The following FRAS1 variants were observed in gnomAD, a reference collection of about 807,000 sequenced individuals.
The protein encoded by FRAS1 is Fraser extracellular matrix complex subunit 1, also known as extracellular matrix organizing protein FRAS1.
A neutral mutation model predicts 435.2 loss-of-function variants in FRAS1; 290 were observed. The observed-to-expected ratio is 0.67, with a 90% confidence interval of 0.61 to 0.73. FRAS1 has a LOEUF of 0.73. Ranked by LOEUF, FRAS1 falls within the 30% of genes least tolerant of loss-of-function variation. FRAS1 has a pLI of 0.00. For synonymous variants in FRAS1, 1,800 were observed against 1,851.0 expected (o/e 0.97, Z 0.71); for missense variants, 4,860 against 5,001.5 (o/e 0.97, Z 0.85).
intron 30 of FRAS1, among the ~76,000 whole-genome samples, chr4:78,404,281 A>G (rs1560708140): frequency 6.6e-6 from 1 of 152,194 alleles, no homozygotes. Context: ...ATAGGTTAAA[A>G]TATAGACTTC....
intron 64 of FRAS1, among the ~76,000 whole-genome samples, chr4:78,512,805 C>T (rs1193809031): frequency 1.3e-5 from 2 of 152,152 alleles, no homozygotes; most frequent in African/African-American, 2.4e-5. Flanking sequence ...GGGCTGGACA[C>T]GTAGTGCTGA....
intron 2 of FRAS1, among the ~76,000 whole-genome samples, chr4:78,173,400 TGC>T (rs951539126): frequency 3.3e-5 from 5 of 152,168 alleles, no homozygotes; most frequent in African/African-American, 1.2e-4. Flanking sequence ...CTCCCTAGGG[TGC>T]TATGGACATG....
At chr4:78,242,575 A>G (rs1323979544) in intron 3 of FRAS1, among the ~76,000 whole-genome samples, 1 of 152,170 alleles carries the variant, frequency 6.6e-6, no homozygotes, top group Non-Finnish European at 1.5e-5. Context: ...AGCTGGGATT[A>G]CAGGCATGTG....
chr4:78,075,201 T>C (rs2109865948), intron 2 of FRAS1, among the ~76,000 whole-genome samples: 1 of 152,324 alleles, frequency 6.6e-6, no homozygotes, highest in East Asian at 1.9e-4. Flanking sequence ...TCTCCATTAA[T>C]AGAAGATTTT....
chr4:78,466,439 A>C lies in FRAS1; in HGVS notation c.7257+4A>C. 1 of 1,607,106 alleles carries C rather than the reference A, an allele frequency of 6.2e-7. No homozygotes were observed. Among genetic ancestry groups the C allele is most frequent in the Non-Finnish European group, 8.5e-7 (1 of 1,175,000 alleles). ...CATTGAGGAAGGGGGAAAAGAGGTG[A>C]GGGGTGAGGACACTGGAGGAGGTAG... is the stretch of plus-strand genomic sequence containing the variant. On this transcript the variant is annotated splice_donor_region_variant and intron_variant, in intron 50 of 73. Coordinates refer to ENST00000512123, the MANE Select transcript of FRAS1 (RefSeq NM_025074.7).
chr4:78,210,437 G>A (rs573887182), intron 2 of FRAS1, among the ~76,000 whole-genome samples: 16 of 152,340 alleles, frequency 1.1e-4, no homozygotes, highest in Admixed American at 2.6e-4. Flanking sequence ...ATCACTTGGA[G>A]TCTCAGCACC....
At chr4:78,275,860 C>T (rs1443183021) in intron 9 of FRAS1, among the ~76,000 whole-genome samples, 1 of 152,110 alleles carries the variant, frequency 6.6e-6, no homozygotes, top group Non-Finnish European at 1.5e-5. Context: ...GAATGTTGGC[C>T]TGCTTTGCTA....
At chr4:78,105,772 G>A (rs575514456) in intron 2 of FRAS1, among the ~76,000 whole-genome samples, 2 of 151,918 alleles carry the variant, frequency 1.3e-5, no homozygotes, top group South Asian at 2.1e-4. Context: ...GAACAGCTCC[G>A]GTCTACAGCT....
chr4:78,121,014 G>A (rs1369135235), intron 2 of FRAS1, among the ~76,000 whole-genome samples: 3 of 152,168 alleles, frequency 2.0e-5, no homozygotes, highest in Non-Finnish European at 4.4e-5. Context: ...GAGATCTTTA[G>A]GTAGAATGGT....
intron 2 of FRAS1, among the ~76,000 whole-genome samples, chr4:78,168,014 G>A (rs1488797726): frequency 6.6e-6 from 1 of 151,488 alleles, no homozygotes; most frequent in African/African-American, 2.4e-5. Flanking sequence ...ATTTTTGTGT[G>A]TCTCTATTTT....
chr4:78,308,024 T>C lies in FRAS1; in HGVS notation c.1535-42T>C, dbSNP rs370278436. ...TAAAAGAAAAATGATGACCAGTCCTTTCTGCCGTAGATTACTCACTGATTT... is the reference window on the plus strand; with the variant it reads ...TAAAAGAAAAATGATGACCAGTCCTCTCTGCCGTAGATTACTCACTGATTT... On this transcript the variant is annotated intron_variant, in intron 14 of 73. Transcript: ENST00000512123. The C allele has an allele frequency of 1.4e-4, 214 of 1,548,956 alleles. 1 individual carries two copies. In the African/African-American group the frequency reaches 2.4e-3, roughly 17 times the overall value.
At chr4:78,502,037 G>T (rs979614623) in intron 61 of FRAS1, among the ~76,000 whole-genome samples, 2 of 152,152 alleles carry the variant, frequency 1.3e-5, no homozygotes, top group Non-Finnish European at 2.9e-5. Flanking sequence ...TAAATGTGTG[G>T]TGTTATTTCT....
At position 78,379,926 on chromosome 4, in the gene FRAS1, G is replaced by A. The variant is rs767935057; in HGVS notation, c.3493G>A (p.Ala1165Thr). Residue 1165 changes from alanine to threonine, a missense_variant, in exon 27 of 74, where the codon GCT becomes ACT. Physicochemically the swap from Ala to Thr is moderately conservative, Grantham distance 58. Coordinates refer to ENST00000512123, the MANE Select transcript of FRAS1 (RefSeq NM_025074.7). Reference protein sequence around the residue: ...RNGKEVQLDKAGRFSWKDVNE... With the variant: ...RNGKEVQLDKTGRFSWKDVNE... ...TGGAAAAGAGGTTCAGCTGGACAAG[G>A]CTGGCCGTTTTAGCTGGAAAGATGT... 2 of 1,613,880 alleles carry A rather than the reference G, an allele frequency of 1.2e-6. No homozygotes were observed. The highest frequency in any genetic ancestry group is 1.7e-6 in the Non-Finnish European group (2 of 1,179,840).
chr4:78,103,769 C>T (rs560070101), intron 2 of FRAS1, among the ~76,000 whole-genome samples: 2 of 152,300 alleles, frequency 1.3e-5, no homozygotes, highest in East Asian at 1.9e-4. Context: ...GACACTGAAC[C>T]AGCTGGCACT....
chr4:78,329,055 G>C (rs1416687847), intron 18 of FRAS1, among the ~76,000 whole-genome samples: 1 of 152,138 alleles, frequency 6.6e-6, no homozygotes, highest in Non-Finnish European at 1.5e-5. Context: ...TATTCTGACT[G>C]TTGTTCCCAC....
Position 78,540,867 on chromosome 4 carries a change from A to G in FRAS1, c.11782A>G (p.Arg3928Gly). 6.2e-7 allele frequency: 1 copy of G among 1,614,010 alleles called. No homozygotes were observed. The highest frequency in any genetic ancestry group is 1.3e-5 in the African/African-American group (1 of 75,046). ...LVFLVACFIN[R>G]KCQKQRKKKP... is the part of the protein sequence containing the mutation. ...GTTTTTGGTGGCTTGTTTTATCAAC[A>G]GGAAATGCCAGAAACAGAGGAAGAA... The change falls in exon 74 of 74, where the codon AGG becomes GGG. Residue 3928 changes from arginine (R) to glycine (G), a missense_variant. Coordinates refer to ENST00000512123, the MANE Select transcript of FRAS1 (RefSeq NM_025074.7).
chr4:78,355,999 T>C (rs1281762885), intron 20 of FRAS1, among the ~76,000 whole-genome samples: 1 of 152,176 alleles, frequency 6.6e-6, no homozygotes. Flanking sequence ...TTGTAGAAAA[T>C]ATGCCCATAG....
At chr4:78,376,389 A>G (rs1731762289) in intron 26 of FRAS1, among the ~76,000 whole-genome samples, 4 of 152,308 alleles carry the variant, frequency 2.6e-5, no homozygotes, top group African/African-American at 9.6e-5. Context: ...TCGTAACACA[A>G]TAGTAAGTAT....
At chr4:78,208,454 C>T (rs1392987504) in intron 2 of FRAS1, among the ~76,000 whole-genome samples, 1 of 151,940 alleles carries the variant, frequency 6.6e-6, no homozygotes, top group Non-Finnish European at 1.5e-5. Flanking sequence ...ATCTGTGAAT[C>T]GCCAGAAAAA....
Sources: gnomAD v4.1 joint callset for allele counts (sites outside exome capture counted in the v4.1 genomes callset) on GRCh38, gnomAD v4.1.1 for gene constraint, MANE v1.5 for transcripts, NCBI Gene and HGNC (gene_info 2026-07-23, HGNC 2026-07-21) for gene names.